RB1CC1: variants seen among roughly 807,000 people sequenced by gnomAD.
RB1CC1 encodes the protein RB1 inducible coiled-coil 1, also known as RB1-inducible coiled-coil protein 1.
RB1CC1 carries 46 observed loss-of-function variants against 177.5 expected under a neutral mutation model. The ratio of observed to expected loss-of-function variants is 0.26; its 90% CI spans 0.20 to 0.33. The LOEUF is 0.33. Ranked by LOEUF, RB1CC1 falls within the 10% of genes least tolerant of loss-of-function variation. The pLI is 1.00. For missense variants in RB1CC1, 1,703 were observed against 1,816.3 expected (o/e 0.94, Z 1.13); for synonymous variants, 666 against 613.6 (o/e 1.09, Z -1.26).
At chr8:52,629,888 T>C (rs1031284190) in intron 21 of RB1CC1, among the ~76,000 whole-genome samples, 2 of 152,106 alleles carry the variant, frequency 1.3e-5, no homozygotes, top group Admixed American at 1.3e-4. Context: ...ATGTCTCATG[T>C]CTCCCTAAAA....
chr8:52,676,757 G>A (rs1170595470), intron 5 of RB1CC1, among the ~76,000 whole-genome samples, 186 bp from the exon 6 acceptor site: 1 of 152,154 alleles, frequency 6.6e-6, no homozygotes, highest in Non-Finnish European at 1.5e-5. Context: ...TAAGTGAGGT[G>A]TTTCCGAGCA....
At chr8:52,650,373 G>A (rs1302243051) in intron 15 of RB1CC1, among the ~76,000 whole-genome samples, 2 of 152,184 alleles carry the variant, frequency 1.3e-5, no homozygotes, top group Non-Finnish European at 2.9e-5. Flanking sequence ...AGATTCGTAA[G>A]AGACTTCCAA....
chr8:52,641,803 C>T (rs908417788), intron 18 of RB1CC1, among the ~76,000 whole-genome samples: 2 of 152,048 alleles, frequency 1.3e-5, no homozygotes, highest in Non-Finnish European at 1.5e-5. Context: ...GCACTTTCTC[C>T]TCCCAATTCT....
chr8:52,696,100 A>C (rs1350449118), intron 1 of RB1CC1, among the ~76,000 whole-genome samples: 3 of 152,176 alleles, frequency 2.0e-5, no homozygotes, highest in African/African-American at 7.2e-5. Context: ...ACTGGAGTGC[A>C]ATGGCACAAT....
rs559273472 is a variant in RB1CC1 at position 52,656,125 on chromosome 8, T to G, written c.3704A>C (p.Asn1235Thr). ...CTGAATAGCTTCATCTTTTTCACAA[T>G]TAAGCTTCTGAATTAACTGTTCTCT... Reference protein sequence around the residue: ...QDREQLIQKLNCEKDEAIQTA... With the variant: ...QDREQLIQKLTCEKDEAIQTA... Residue 1235 changes from asparagine to threonine, a missense_variant, in exon 15 of 24, where the codon AAT becomes ACT. Coordinates refer to ENST00000025008, the MANE Select transcript of RB1CC1 (RefSeq NM_014781.5). 1 of 1,613,704 alleles carries G rather than the reference T, an allele frequency of 6.2e-7. No individual in the cohort carries two copies. The highest frequency in any genetic ancestry group is 1.1e-5 in the South Asian group (1 of 91,068).
chr8:52,639,126 G>A (rs1849376893), intron 18 of RB1CC1, among the ~76,000 whole-genome samples: 1 of 144,968 alleles, frequency 6.9e-6, no homozygotes, highest in Admixed American at 6.7e-5. Context: ...AATTTTAATT[G>A]AGTAATAGAT....
chr8:52,638,084 A>G (rs1849288212), intron 18 of RB1CC1, among the ~76,000 whole-genome samples: 1 of 152,202 alleles, frequency 6.6e-6, no homozygotes, highest in African/African-American at 2.4e-5. Flanking sequence ...GGGGAAAAGC[A>G]TTCAGTCTTA....
chr8:52,637,877 G>C (rs982254980), intron 18 of RB1CC1, among the ~76,000 whole-genome samples: 1 of 152,000 alleles, frequency 6.6e-6, no homozygotes, highest in Non-Finnish European at 1.5e-5. Context: ...CACCATGTTG[G>C]CCAGGCTGAT....
rs67680393 is a variant in RB1CC1, at chr8:52,658,579, GAA to G, written c.1793+292_1793+293del. ...GCGAGAGAGCGAGACTCCGTCTCAA[GAA>G]AAAAAAAAAAAAAAAAAAAAGTAAA... On this transcript the variant is annotated intron_variant, in intron 13 of 23. Coordinates refer to ENST00000025008, the MANE Select transcript of RB1CC1 (RefSeq NM_014781.5). Among the ~76,000 whole-genome samples the G allele has an allele frequency of 8.7e-3, 863 of 98,824 alleles. 6 individuals carry two copies. The highest frequency in any genetic ancestry group is 0.047 in the Middle Eastern group (7 of 150). The allele number at this position is 98,824 out of a possible 152,430, so 64.8% of individuals were successfully genotyped here.
In RB1CC1 at chr8:52,656,292, C is replaced by A. The variant is rs1427328353; in HGVS notation, c.3537G>T (p.Leu1179=). The part of the protein sequence containing the change: ...EKNLKEQIIE[L]QSKLDSELSA... ...TCAATTCTGAATCCAATTTACTCTG[C>A]AGTTCAATTATTTGTTCTTTTAGGT... is the stretch of plus-strand genomic sequence containing the variant. Residue 1179 remains leucine (L), a synonymous_variant, in exon 15 of 24, where the codon CTG becomes CTT. Transcript: ENST00000025008. The A allele has an allele frequency of 6.2e-7, 1 of 1,613,058 alleles. No homozygotes were observed. Among genetic ancestry groups the A allele is most frequent in the South Asian group, 1.1e-5 (1 of 91,036 alleles).
Position 52,714,117 on chromosome 8 carries a change from G to T in RB1CC1, c.-209C>A, listed in dbSNP as rs916619047. 5 of 339,144 alleles carry T rather than the reference G, an allele frequency of 1.5e-5. No homozygotes were observed. Among genetic ancestry groups the T allele is most frequent in the Non-Finnish European group, 2.4e-5 (4 of 166,298 alleles). The allele number at this position is 339,144 out of a possible 1,614,324, so 21.0% of individuals were successfully genotyped here. A position where few individuals can be genotyped will look rare whatever the true frequency, so the allele number is the denominator to read the frequency against. ...TTCGCCGGCGGCAGCAGCAGAGCCA[G>T]CGACCCCCGGCACCATCTTCCGCCG... is the stretch of plus-strand genomic sequence containing the variant. On this transcript the variant is annotated 5_prime_UTR_variant, in exon 1 of 24. In the 5' UTR this introduces an upstream ATG that the reference lacks. Coordinates refer to ENST00000025008, the MANE Select transcript of RB1CC1 (RefSeq NM_014781.5).
Position 52,685,369 on chromosome 8 carries a change from C to A in RB1CC1, c.71+30G>T, listed in dbSNP as rs754653312. The A allele has an allele frequency of 8.1e-6, 12 of 1,479,130 alleles. No individual in the cohort carries two copies. In the Admixed American group the frequency reaches 1.1e-4, roughly 13 times the overall value. 91.6% of individuals were successfully genotyped at this position (1,479,130 alleles called of 1,614,324 possible). A position where few individuals can be genotyped will look rare whatever the true frequency, so the allele number is the denominator to read the frequency against. The stretch of plus-strand genomic sequence containing the variant: ...TAACTTTCTGCATGCAGACAGAATG[C>A]GAAAAAAAAATAAATGAAATACAAC... On this transcript the variant is annotated intron_variant, in intron 3 of 23. Coordinates refer to ENST00000025008, the MANE Select transcript of RB1CC1 (RefSeq NM_014781.5).
intron 1 of RB1CC1, among the ~76,000 whole-genome samples, chr8:52,692,967 A>G (rs1419200216): frequency 6.6e-6 from 1 of 152,154 alleles, no homozygotes; most frequent in Admixed American, 6.6e-5. Flanking sequence ...TGAAAAGGTG[A>G]TCTTCACCTA....
intron 1 of RB1CC1, among the ~76,000 whole-genome samples, chr8:52,693,045 C>T (rs1024737974): frequency 3.3e-5 from 5 of 152,174 alleles, no homozygotes; most frequent in South Asian, 2.1e-4. Context: ...ATTTAATAAA[C>T]GGTGCTTGGA....
intron 1 of RB1CC1, among the ~76,000 whole-genome samples, chr8:52,712,122 G>A (rs1336404010): frequency 1.3e-5 from 2 of 152,188 alleles, no homozygotes; most frequent in Admixed American, 1.3e-4. Flanking sequence ...TAAAAGAATC[G>A]TGAAAGTGTG....
intron 1 of RB1CC1, among the ~76,000 whole-genome samples, chr8:52,698,085 C>T (rs1028762408): frequency 6.6e-6 from 1 of 151,988 alleles, no homozygotes; most frequent in Admixed American, 6.6e-5. Context: ...TTTATTTATA[C>T]ATTTTTTAAG....
chr8:52,687,183 C>A (rs942688374), intron 1 of RB1CC1, among the ~76,000 whole-genome samples: 1 of 152,112 alleles, frequency 6.6e-6, no homozygotes, highest in Admixed American at 6.5e-5. Context: ...TCAAAACGGC[C>A]ATTTCCACAA....
At chr8:52,632,862 C>T (rs893434573) in intron 20 of RB1CC1, among the ~76,000 whole-genome samples, 1 of 152,076 alleles carries the variant, frequency 6.6e-6, no homozygotes, top group Non-Finnish European at 1.5e-5. Flanking sequence ...TAAAGTCATC[C>T]CTCTGTTCCT....
In RB1CC1 at chr8:52,625,607, A is replaced by G. The variant is rs75788295; in HGVS notation, c.4637-820T>C. ...AATATCTAAGTTGAAAATGCATTTA[A>G]TACTTCTAATCTACCATACACCATA... On this transcript the variant is annotated intron_variant, in intron 22 of 23. Transcript: ENST00000025008. Among the ~76,000 whole-genome samples the G allele has an allele frequency of 2.9e-3, 449 of 152,324 alleles. 4 individuals are homozygous for G. The highest frequency in any genetic ancestry group is 0.01 in the African/African-American group (436 of 41,584).
Sources: gnomAD v4.1 joint callset for allele counts (sites outside exome capture counted in the v4.1 genomes callset) on GRCh38, gnomAD v4.1.1 for gene constraint, MANE v1.5 for transcripts, NCBI Gene and HGNC (gene_info 2026-07-23, HGNC 2026-07-21) for gene names.